The following AREL1 variants were observed in gnomAD, a reference collection of about 807,000 sequenced individuals.
AREL1 encodes apoptosis-resistant E3 ubiquitin protein ligase 1.
AREL1 carries 62 observed loss-of-function variants against 99.0 expected under a neutral mutation model. That is an observed-to-expected ratio of 0.63 (90% CI 0.51 to 0.77). AREL1 has a LOEUF of 0.77. Ranked by LOEUF, AREL1 falls within the 30% of genes least tolerant of loss-of-function variation. The probability of loss-of-function intolerance (pLI) is 0.00; values close to 1 mark genes in which losing one functional copy is unlikely to be tolerated. For missense variants in AREL1, 879 were observed against 1,027.6 expected (o/e 0.86, Z 1.98); for synonymous variants, 380 against 376.5 (o/e 1.01, Z -0.11).
intron 3 of AREL1, 87 bp from the exon 4 acceptor site, chr14:74,684,767 T>C: frequency 8.3e-7 from 1 of 1,210,178 alleles, no homozygotes; most frequent in Non-Finnish European, 1.2e-6. Context: ...TTCTCAAAAA[T>C]TAAAGGAGGT....
Position 74,675,785 on chromosome 14 carries a change from C to T in AREL1, c.994G>A (p.Glu332Lys). 1.2e-6 allele frequency: 2 copies of T among 1,614,156 alleles called. No individual in the cohort carries two copies. Among genetic ancestry groups the T allele is most frequent in the Non-Finnish European group, 8.5e-7 (1 of 1,180,034 alleles). The stretch of plus-strand genomic sequence containing the variant: ...TCAGAGGGCGAGTCTTCATCTTCCT[C>T]GTCAACAGCAGTGGATGGCCGGCGC... Reference protein sequence around the residue: ...SQRRPSTAVDEEDEDSPSECH... With the variant: ...SQRRPSTAVDKEDEDSPSECH... Residue 332 changes from glutamate (E) to lysine (K), a missense_variant, in exon 8 of 20, where the codon GAG becomes AAG. Coordinates refer to ENST00000356357, the MANE Select transcript of AREL1 (RefSeq NM_001039479.2).
intron 17 of AREL1, among the ~76,000 whole-genome samples, chr14:74,666,559 T>C (rs1467508679): frequency 6.6e-6 from 1 of 152,210 alleles, no homozygotes; most frequent in Admixed American, 6.5e-5. Flanking sequence ...CATTAGAATG[T>C]AGCCCATGAG....
chr14:74,712,081 AGAAAGAAAG>A (rs2090320971), intron 1 of AREL1: 4 of 88,696 alleles, frequency 4.5e-5, no homozygotes, highest in Non-Finnish European at 8.4e-5. Context: ...AAAAAAAGAA[AGAAAGAAAG>A]AAAGAAAAAG....
chr14:74,685,727 AAAG>A, intron 2 of AREL1, 67 bp from the exon 3 acceptor site: 1 of 1,427,356 alleles, frequency 7.0e-7, no homozygotes, highest in Admixed American at 1.8e-5. Flanking sequence ...AGAGTAAGAC[AAAG>A]AAGAGTGTAT....
At position 74,666,102 on chromosome 14, in the gene AREL1, T is replaced by C. The variant is rs571462414; in HGVS notation, c.2104-1177A>G. ...TTTGTTTGGATTTCACATCTGAAGA[T>C]ATAAAACATGAAAATTACAGAAGAT... On this transcript the variant is annotated intron_variant, in intron 17 of 19. Transcript: ENST00000356357. 5.9e-5 allele frequency among the ~76,000 whole-genome samples: 9 copies of C among 152,360 alleles called. No individual in the cohort carries two copies. In the South Asian group the frequency reaches 1.7e-3, roughly 28 times the overall value.
At position 74,667,573 on chromosome 14, in the gene AREL1, C is replaced by T; in HGVS notation, c.1936G>A (p.Gly646Arg). 1.2e-6 allele frequency: 2 copies of T among 1,612,984 alleles called. No individual in the cohort carries two copies. The highest frequency in any genetic ancestry group is 1.7e-6 in the Non-Finnish European group (2 of 1,179,416). Residue 646 changes from glycine to arginine, a missense_variant, in exon 16 of 20, where the codon GGA becomes AGA. By Grantham distance (125) the Gly-to-Arg change is moderately radical (BLOSUM62 -2). Coordinates refer to ENST00000356357, the MANE Select transcript of AREL1 (RefSeq NM_001039479.2). ...LDKVVELMTG[G>R]AQTPVTNANK... ...GCATTGGTGACTGGAGTTTGAGCTCCACCTGTCATGAGTTCTACAACCTGT... is the reference window on the plus strand; with the variant it reads ...GCATTGGTGACTGGAGTTTGAGCTCTACCTGTCATGAGTTCTACAACCTGT...
chr14:74,695,843 C>T (rs1206213844), intron 1 of AREL1, among the ~76,000 whole-genome samples: 2 of 152,158 alleles, frequency 1.3e-5, no homozygotes, highest in Non-Finnish European at 2.9e-5. Context: ...CAGGTGAGTC[C>T]TATGTATGCT....
intron 18 of AREL1, among the ~76,000 whole-genome samples, chr14:74,664,483 T>C (rs868465328): frequency 2.3e-5 from 3 of 130,136 alleles, no homozygotes; most frequent in Non-Finnish European, 3.2e-5. Context: ...AGAAAGAGTC[T>C]CGCTCTGTCA....
intron 1 of AREL1, among the ~76,000 whole-genome samples, chr14:74,704,611 T>C (rs2090142696): frequency 2.0e-5 from 3 of 152,272 alleles, no homozygotes; most frequent in African/African-American, 7.2e-5. Flanking sequence ...CCCTTTAGCT[T>C]AGTGATTTGG....
intron 1 of AREL1, chr14:74,698,841 T>C (rs1383393524): frequency 1.5e-5 from 3 of 202,682 alleles, no homozygotes; most frequent in East Asian, 3.0e-4. Context: ...CTGGGTAACA[T>C]AGTGAGATCC....
At chr14:74,675,585 A>T in intron 8 of AREL1, 114 bp downstream of exon 8, 2 of 1,401,824 alleles carry the variant, frequency 1.4e-6, no homozygotes, top group Non-Finnish European at 1.9e-6. Context: ...CTATACAACT[A>T]GTTAACAATC....
chr14:74,669,595 G>A lies in AREL1; in HGVS notation c.1914+54C>T, dbSNP rs991844656. The A allele has an allele frequency of 5.0e-6, 8 of 1,591,562 alleles. No homozygotes were observed. The Admixed American group carries it at 7.1e-5, about 14-fold the overall frequency. On this transcript the variant is annotated intron_variant, in intron 15 of 19. Coordinates refer to ENST00000356357, the MANE Select transcript of AREL1 (RefSeq NM_001039479.2). ...GCAGAAAGTTCTCTTAGACAGTCCTGCTCTACAGGAAACTGGAGAACATAG... is the reference window on the plus strand; with the variant it reads ...GCAGAAAGTTCTCTTAGACAGTCCTACTCTACAGGAAACTGGAGAACATAG...
intron 5 of AREL1, among the ~76,000 whole-genome samples, chr14:74,679,914 C>T (rs987914598): frequency 3.3e-5 from 5 of 151,706 alleles, no homozygotes; most frequent in South Asian, 2.1e-4. Flanking sequence ...TGGTGGCTCA[C>T]GCCTGTAATC....
chr14:74,674,261 C>A, intron 8 of AREL1, 150 bp from the exon 9 acceptor site: 1 of 620,414 alleles, frequency 1.6e-6, no homozygotes, highest in Non-Finnish European at 2.8e-6. Context: ...GTACTAAAGT[C>A]AAATAAATAC....
chr14:74,676,429 A>G (rs1190174223), intron 6 of AREL1, 108 bp from the exon 7 acceptor site: 32 of 1,447,256 alleles, frequency 2.2e-5, no homozygotes, highest in Non-Finnish European at 3.0e-5. Flanking sequence ...CTAAATCACA[A>G]AATTACTAAT....
chr14:74,664,192 A>T, intron 18 of AREL1, 118 bp from the exon 19 acceptor site: 1 of 1,159,432 alleles, frequency 8.6e-7, no homozygotes, highest in Non-Finnish European at 1.2e-6. Context: ...TTCTATGAGG[A>T]CACAGGGTAG....
At chr14:74,664,985 G>T in intron 17 of AREL1, 60 bp from the exon 18 acceptor site, 2 of 1,414,576 alleles carry the variant, frequency 1.4e-6, no homozygotes, top group Non-Finnish European at 2.0e-6. Flanking sequence ...CCAATATAAG[G>T]TCAAAATTAC....
chr14:74,672,074 C>G, intron 11 of AREL1: 1 of 429,054 alleles, frequency 2.3e-6, no homozygotes, highest in Non-Finnish European at 4.7e-6. Flanking sequence ...AGACACACAT[C>G]AGGTGTTCCT....
At chr14:74,692,542 G>A (rs1439673966) in intron 1 of AREL1, among the ~76,000 whole-genome samples, 1 of 152,148 alleles carries the variant, frequency 6.6e-6, no homozygotes, top group East Asian at 1.9e-4. Context: ...AAAGTCAACT[G>A]GCAGCCTCAC....
Sources: gnomAD v4.1 joint callset for allele counts (sites outside exome capture counted in the v4.1 genomes callset) on GRCh38, gnomAD v4.1.1 for gene constraint, MANE v1.5 for transcripts, NCBI Gene and HGNC (gene_info 2026-07-23, HGNC 2026-07-21) for gene names.